The following FTO variants were observed in gnomAD, a reference collection of about 807,000 sequenced individuals.
The protein encoded by FTO is alpha-ketoglutarate-dependent dioxygenase FTO.
FTO carries 47 observed loss-of-function variants against 63.9 expected under a neutral mutation model. The ratio of observed to expected loss-of-function variants is 0.74; its 90% CI spans 0.58 to 0.94. The LOEUF is 0.94. Among genes scored for constraint, FTO ranks in the 40% least tolerant of loss-of-function variants. The pLI, the probability that FTO is intolerant of heterozygous loss-of-function variation, is 0.00. For synonymous variants in FTO, 207 were observed against 224.4 expected (o/e 0.92, Z 0.69); for missense variants, 562 against 618.1 (o/e 0.91, Z 0.96).
chr16:53,749,586 C>A (rs1279536423), intron 1 of FTO, among the ~76,000 whole-genome samples: 1 of 151,936 alleles, frequency 6.6e-6, no homozygotes, highest in Non-Finnish European at 1.5e-5. Flanking sequence ...CTACAGGCGC[C>A]CGCCATCACG....
intron 1 of FTO, among the ~76,000 whole-genome samples, chr16:53,743,505 G>C (rs1345937950): frequency 6.6e-6 from 1 of 150,510 alleles, no homozygotes; most frequent in African/African-American, 2.5e-5. Context: ...TGGAGCCTCA[G>C]ATGAGTCTTT....
chr16:53,970,459 G>T (rs1340628992), intron 8 of FTO, among the ~76,000 whole-genome samples: 1 of 151,856 alleles, frequency 6.6e-6, no homozygotes, highest in East Asian at 1.9e-4. Context: ...TTGTGGTGGT[G>T]GGCGCCTATA....
intron 1 of FTO, among the ~76,000 whole-genome samples, chr16:53,778,792 G>A (rs979742730): frequency 6.6e-6 from 1 of 151,810 alleles, no homozygotes; most frequent in African/African-American, 2.4e-5. Context: ...AGAAGCACAG[G>A]GAGGATTTTT....
At chr16:53,755,987 A>G (rs2076915162) in intron 1 of FTO, among the ~76,000 whole-genome samples, 1 of 152,208 alleles carries the variant, frequency 6.6e-6, no homozygotes, top group South Asian at 2.1e-4. Context: ...AACTTAGATA[A>G]TACACTGTTT....
At chr16:53,936,886 T>G (rs1340565625) in intron 8 of FTO, among the ~76,000 whole-genome samples, 5 of 152,200 alleles carry the variant, frequency 3.3e-5, no homozygotes, top group Non-Finnish European at 7.3e-5. Flanking sequence ...TATAAGTCTT[T>G]TGTAATAAAG....
chr16:53,934,984 A>G (rs947988554), intron 8 of FTO, among the ~76,000 whole-genome samples: 1 of 152,176 alleles, frequency 6.6e-6, no homozygotes, highest in African/African-American at 2.4e-5. Flanking sequence ...CTTTCTTTAA[A>G]TCATCAGTTT....
chr16:54,041,106 A>G (rs1403584641), intron 8 of FTO, among the ~76,000 whole-genome samples: 1 of 152,230 alleles, frequency 6.6e-6, no homozygotes, highest in Non-Finnish European at 1.5e-5. Flanking sequence ...CAGAAGAATC[A>G]TGCTGTGTTA....
chr16:53,848,347 C>A (rs2079693059), intron 4 of FTO, among the ~76,000 whole-genome samples: 1 of 152,136 alleles, frequency 6.6e-6, no homozygotes, highest in African/African-American at 2.4e-5. Context: ...CTGAACCCTG[C>A]TGTCTCAAGT....
chr16:53,711,215 T>C lies in FTO; in HGVS notation c.45+6986T>C, dbSNP rs181727032. On this transcript the variant is annotated intron_variant, in intron 1 of 8. Transcript: ENST00000471389. Reference sequence around the variant, plus strand: ...CCAGGACGTTTATTCTGTAAACTTATGTTGAGTGTCTAGTCAAGTGGATTT... The same window carrying C: ...CCAGGACGTTTATTCTGTAAACTTACGTTGAGTGTCTAGTCAAGTGGATTT... 1.4e-3 allele frequency: 524 copies of C among 376,552 alleles called. 4 individuals are homozygous for C. In the Admixed American group the frequency reaches 0.019, roughly 13 times the overall value. The allele number at this position is 376,552 out of a possible 1,614,324, so 23.3% of individuals were successfully genotyped here.
At chr16:53,771,039 G>T (rs2077321433) in intron 1 of FTO, among the ~76,000 whole-genome samples, 1 of 152,082 alleles carries the variant, frequency 6.6e-6, no homozygotes, top group Non-Finnish European at 1.5e-5. Context: ...ATCCAGGATG[G>T]CTCTAAAGGG....
At chr16:53,904,926 A>T (rs1261525198) in intron 7 of FTO, among the ~76,000 whole-genome samples, 1 of 152,094 alleles carries the variant, frequency 6.6e-6, no homozygotes, top group East Asian at 1.9e-4. Flanking sequence ...TACCTTGCAC[A>T]CATAGTTTGT....
At chr16:53,834,641 TC>T (rs1036930747) in intron 3 of FTO, among the ~76,000 whole-genome samples, 68 of 152,316 alleles carry the variant, frequency 4.5e-4, no homozygotes, top group African/African-American at 1.5e-3. Flanking sequence ...TTAGTTTTTA[TC>T]AAAATTATTC....
intron 8 of FTO, chr16:54,039,906 G>A (rs1364260534): frequency 6.6e-6 from 1 of 152,126 alleles, no homozygotes; most frequent in Admixed American, 6.5e-5. Context: ...CCTTTCTTCT[G>A]GCCCTGGCTA....
chr16:53,982,420 A>T (rs1229958360), intron 8 of FTO, among the ~76,000 whole-genome samples: 3 of 152,190 alleles, frequency 2.0e-5, no homozygotes, highest in African/African-American at 7.2e-5. Context: ...AGAACCAATG[A>T]ACTGATGAAA....
intron 5 of FTO, 63 bp downstream of exon 5, chr16:53,873,928 A>C: frequency 8.4e-7 from 1 of 1,194,158 alleles, no homozygotes; most frequent in Non-Finnish European, 1.2e-6. Flanking sequence ...TTGAATGAGC[A>C]ATTTACTATA....
At chr16:53,893,385 A>G (rs2081201489) in intron 7 of FTO, among the ~76,000 whole-genome samples, 2 of 152,114 alleles carry the variant, frequency 1.3e-5, no homozygotes, top group African/African-American at 4.8e-5. Flanking sequence ...GATAAGAGAG[A>G]GTTACCATTT....
chr16:54,049,568 G>T (rs969307821), intron 8 of FTO, among the ~76,000 whole-genome samples: 4 of 152,214 alleles, frequency 2.6e-5, no homozygotes, highest in Non-Finnish European at 5.9e-5. Flanking sequence ...TATAGCTCCT[G>T]CTGGTGGGAG....
intron 8 of FTO, among the ~76,000 whole-genome samples, chr16:53,975,775 A>G (rs1174364722): frequency 6.6e-6 from 1 of 152,188 alleles, no homozygotes; most frequent in African/African-American, 2.4e-5. Flanking sequence ...ACAGTCACAT[A>G]GGAGCAATTT....
intron 8 of FTO, among the ~76,000 whole-genome samples, chr16:54,081,849 G>T (rs2086152886): frequency 6.6e-6 from 1 of 152,192 alleles, no homozygotes; most frequent in African/African-American, 2.4e-5. Flanking sequence ...ATAATATCCA[G>T]ATGCATTAAA....
Sources: gnomAD v4.1 joint callset for allele counts (sites outside exome capture counted in the v4.1 genomes callset) on GRCh38, gnomAD v4.1.1 for gene constraint, MANE v1.5 for transcripts, NCBI Gene and HGNC (gene_info 2026-07-23, HGNC 2026-07-21) for gene names.